SAMMSON: variants seen among roughly 807,000 people sequenced by gnomAD.
The protein encoded by SAMMSON is survival associated mitochondrial melanoma specific oncogenic non-coding RNA.
At chr3:70,061,924 G>C (rs1279579049) in intron 3 of SAMMSON, among the ~76,000 whole-genome samples, 1 of 152,064 alleles carries the variant, frequency 6.6e-6, no homozygotes, top group African/African-American at 2.4e-5. Context: ...ATGAATAAAT[G>C]ATTCTATGTG....
At chr3:70,250,611 T>C (rs1335037213) in intron 6 of SAMMSON, among the ~76,000 whole-genome samples, 2 of 152,180 alleles carry the variant, frequency 1.3e-5, no homozygotes, top group East Asian at 1.9e-4. Flanking sequence ...CAAAGGTTTG[T>C]TCAGCGAATG....
chr3:70,312,178 A>G (rs1007112676), intron 7 of SAMMSON, among the ~76,000 whole-genome samples: 1 of 152,130 alleles, frequency 6.6e-6, no homozygotes, highest in South Asian at 2.1e-4. Flanking sequence ...ACTTTATATG[A>G]TATTTCTTTG....
chr3:70,067,022 C>A (rs2067212250), intron 3 of SAMMSON, among the ~76,000 whole-genome samples: 1 of 152,020 alleles, frequency 6.6e-6, no homozygotes, highest in South Asian at 2.1e-4. Flanking sequence ...CATTCTCAGT[C>A]TATATATTCA....
chr3:70,275,392 G>C (rs954284632), intron 6 of SAMMSON, among the ~76,000 whole-genome samples: 5 of 152,176 alleles, frequency 3.3e-5, no homozygotes, highest in African/African-American at 1.2e-4. Flanking sequence ...GCATGTGCCT[G>C]TAGTCCCAGC....
chr3:70,036,045 C>T (rs1199901698), intron 3 of SAMMSON, among the ~76,000 whole-genome samples: 3 of 152,054 alleles, frequency 2.0e-5, no homozygotes, highest in African/African-American at 7.2e-5. Context: ...CTTCAATGGG[C>T]TTACAGTCAG....
At chr3:70,170,349 T>C (rs1463896127) in intron 4 of SAMMSON, among the ~76,000 whole-genome samples, 1 of 151,834 alleles carries the variant, frequency 6.6e-6, no homozygotes, top group Non-Finnish European at 1.5e-5. Flanking sequence ...GTTCAAAAAT[T>C]TTAAAAGAAG....
intron 7 of SAMMSON, among the ~76,000 whole-genome samples, chr3:70,346,993 T>C (rs1399347106): frequency 6.6e-6 from 1 of 152,178 alleles, no homozygotes; most frequent in Non-Finnish European, 1.5e-5. Context: ...GATTACCCAC[T>C]GATGATATAT....
At chr3:70,210,135 G>A (rs774234321) in intron 4 of SAMMSON, among the ~76,000 whole-genome samples, 1 of 152,032 alleles carries the variant, frequency 6.6e-6, no homozygotes, top group Non-Finnish European at 1.5e-5. Context: ...AAGAACATGC[G>A]GCGAATACAG....
intron 6 of SAMMSON, among the ~76,000 whole-genome samples, chr3:70,288,901 C>T (rs1416109068): frequency 2.0e-5 from 3 of 149,268 alleles, no homozygotes; most frequent in Admixed American, 6.7e-5. Context: ...TTTTTGTTTT[C>T]CATTTGCTTG....
intron 4 of SAMMSON, among the ~76,000 whole-genome samples, chr3:70,147,701 G>C (rs1472699667): frequency 1.3e-5 from 2 of 149,598 alleles, no homozygotes; most frequent in Admixed American, 6.6e-5. Flanking sequence ...TCTTTTAGAA[G>C]AAAACATGGA....
intron 4 of SAMMSON, among the ~76,000 whole-genome samples, chr3:70,105,978 T>C (rs1168002644): frequency 3.3e-5 from 5 of 152,052 alleles, no homozygotes; most frequent in African/African-American, 1.2e-4. Flanking sequence ...AACGATATAG[T>C]TGGTGCTCCC....
intron 3 of SAMMSON, among the ~76,000 whole-genome samples, chr3:70,067,994 T>C (rs547965521): frequency 9.9e-5 from 15 of 152,108 alleles, no homozygotes; most frequent in African/African-American, 3.6e-4. Flanking sequence ...TATAAAAAGG[T>C]ATCCATATCT....
At chr3:70,134,671 A>G (rs73108030) in intron 4 of SAMMSON, among the ~76,000 whole-genome samples, 43,926 of 151,964 alleles carry the variant, frequency 0.29, 6,752 homozygotes, top group East Asian at 0.52. Context: ...AAATAGAAAA[A>G]CATTTTTATG....
At chr3:70,133,830 T>C (rs987533541) in intron 4 of SAMMSON, among the ~76,000 whole-genome samples, 2 of 152,174 alleles carry the variant, frequency 1.3e-5, no homozygotes, top group Non-Finnish European at 2.9e-5. Flanking sequence ...ATGATCCACA[T>C]GTTAATTAAT....
intron 9 of SAMMSON, among the ~76,000 whole-genome samples, chr3:70,373,580 T>C (rs1212509262): frequency 6.6e-6 from 1 of 152,220 alleles, no homozygotes; most frequent in Admixed American, 6.5e-5. Flanking sequence ...CTTTCTCTTC[T>C]GGAACTCTGA....
intron 7 of SAMMSON, among the ~76,000 whole-genome samples, chr3:70,306,983 T>TTA (rs199905320): frequency 6.6e-6 from 1 of 151,946 alleles, no homozygotes; most frequent in African/African-American, 2.4e-5. Flanking sequence ...GTGTATATAT[T>TTA]TATATATATA....
At chr3:70,237,977 A>ATTTTTTTTTTTTTTTTT (rs1251005797) in intron 4 of SAMMSON, among the ~76,000 whole-genome samples, 2 of 13,004 alleles carry the variant, frequency 1.5e-4, no homozygotes, top group African/African-American at 9.8e-4. Context: ...ATTGAGTGGT[A>ATTTTTTTTTTTTTTTTT]TCTTTTTTTT....
chr3:70,136,880 G>A (rs1466144847), intron 4 of SAMMSON, among the ~76,000 whole-genome samples: 1 of 152,120 alleles, frequency 6.6e-6, no homozygotes, highest in African/African-American at 2.4e-5. Flanking sequence ...TTATAGTTAT[G>A]ATCAACAGAA....
At chr3:70,254,121 T>C (rs532413875) in intron 6 of SAMMSON, among the ~76,000 whole-genome samples, 23 of 142,934 alleles carry the variant, frequency 1.6e-4, no homozygotes, top group Admixed American at 8.0e-4. Context: ...TTTTTGGTAA[T>C]TGTACATAAC....
Sources: allele counts gnomAD v4.1 joint callset (sites outside exome capture counted in the v4.1 genomes callset), GRCh38; gene constraint gnomAD v4.1.1; transcripts MANE v1.5; gene names NCBI Gene and HGNC (gene_info 2026-07-23, HGNC 2026-07-21).